Variants in STOX1 observed in about 807,000 individuals in gnomAD.
STOX1 encodes the protein storkhead-box protein 1.
STOX1 carries 57 observed loss-of-function variants against 74.8 expected under a neutral mutation model. That is an observed-to-expected ratio of 0.76 (90% confidence interval 0.62 to 0.95). The LOEUF (loss-of-function observed/expected upper bound fraction) is 0.95. Ranked by LOEUF, STOX1 falls within the 40% of genes least tolerant of loss-of-function variation. The pLI is 0.00. For synonymous variants in STOX1, 375 were observed against 401.3 expected, an observed-to-expected ratio of 0.93 and a Z score of 0.78; for missense variants, 1,010 against 1,117.0, an observed-to-expected ratio of 0.90 and a Z score of 1.37.
At chr10:68,869,007 A>G (rs753721158) in intron 1 of STOX1, among the ~76,000 whole-genome samples, 2 of 152,230 alleles carry the variant, frequency 1.3e-5, no homozygotes, top group Non-Finnish European at 2.9e-5. Flanking sequence ...GCCCAGGTCT[A>G]CCTGACCAAC....
At chr10:68,846,402 G>A (rs866056023) in intron 1 of STOX1, among the ~76,000 whole-genome samples, 12 of 151,998 alleles carry the variant, frequency 7.9e-5, no homozygotes, top group Non-Finnish European at 1.0e-4. Context: ...CACCTGCCCC[G>A]GCCCCCCAAA....
At chr10:68,836,773 C>T (rs1839566403) in intron 1 of STOX1, among the ~76,000 whole-genome samples, 1 of 152,242 alleles carries the variant, frequency 6.6e-6, no homozygotes, top group South Asian at 2.1e-4. Flanking sequence ...TAAGCCTTCC[C>T]ACCTAGCTTG....
intron 3 of STOX1, among the ~76,000 whole-genome samples, chr10:68,888,292 A>G (rs999636606): frequency 6.6e-6 from 1 of 151,644 alleles, no homozygotes; most frequent in Admixed American, 6.6e-5. Context: ...AATAGAGACA[A>G]GGTTCCACCA....
At chr10:68,878,890 A>G (rs955412733) in intron 1 of STOX1, among the ~76,000 whole-genome samples, 1 of 152,152 alleles carries the variant, frequency 6.6e-6, no homozygotes, top group African/African-American at 2.4e-5. Context: ...CTCCCCATTC[A>G]GCCCCAGGAT....
intron 1 of STOX1, among the ~76,000 whole-genome samples, chr10:68,860,848 T>C (rs1013829364): frequency 1.3e-5 from 2 of 152,034 alleles, no homozygotes; most frequent in Non-Finnish European, 2.9e-5. Flanking sequence ...TGTTCCTTCT[T>C]CTTAGGTGAG....
chr10:68,885,404 C>G lies in STOX1; in HGVS notation c.1608C>G (p.Ser536=). The stretch of plus-strand genomic sequence containing the variant: ...AAAAGCCTTTCCAAAAGCCTAGGTC[C>G]TTGGATTCCTCAAGAATCTTTGATG... ...PKEKPFQKPR[S]LDSSRIFDGK... is the part of the protein sequence containing the mutation. The change falls in exon 3 of 4, where the codon TCC becomes TCG. Residue 536 remains serine (S), a synonymous_variant. Transcript: ENST00000298596. The G allele has an allele frequency of 1.9e-6, 3 of 1,614,138 alleles. No homozygotes were observed. The highest frequency in any genetic ancestry group is 2.5e-6 in the Non-Finnish European group (3 of 1,180,028).
chr10:68,857,660 A>ACTG (rs1191099911), intron 1 of STOX1, among the ~76,000 whole-genome samples: 1 of 152,100 alleles, frequency 6.6e-6, no homozygotes, highest in African/African-American at 2.4e-5. Context: ...CTTGCTACTG[A>ACTG]CTGCTCCTTT....
chr10:68,892,693 C>T lies in STOX1; in HGVS notation c.2927C>T (p.Thr976Ile), dbSNP rs777728730. 31 of 1,613,862 alleles carry T rather than the reference C, an allele frequency of 1.9e-5. No homozygotes were observed. Among genetic ancestry groups the T allele is most frequent in the East Asian group, 4.5e-5 (2 of 44,826 alleles). Residue 976 changes from threonine to isoleucine, a missense_variant, in exon 4 of 4, where the codon ACA (threonine) becomes ATA (isoleucine). Thr to Ile is a moderately conservative substitution (Grantham distance 89). Coordinates refer to ENST00000298596, the MANE Select transcript of STOX1 (RefSeq NM_152709.5). ...VEGTKSSQPL[T>I]SNSLLPLTPV... is the part of the protein sequence containing the mutation. ...GGCACAAAGAGCAGTCAACCACTCA[C>T]ATCTAATTCCTTACTACCGCTAACT...
Position 68,854,688 on chromosome 10 carries a change from C to T in STOX1, c.310+26755C>T, listed in dbSNP as rs187211338. Reference sequence around the variant, plus strand: ...CTACTTGATCTACCTGGGGTGTTTTCTCAAAGACTTGAACCACCTCTAGGT... The same window carrying T: ...CTACTTGATCTACCTGGGGTGTTTTTTCAAAGACTTGAACCACCTCTAGGT... On this transcript the variant is annotated intron_variant, in intron 1 of 3. Coordinates refer to ENST00000298596, the MANE Select transcript of STOX1 (RefSeq NM_152709.5). Among the ~76,000 whole-genome samples, 236 of 152,198 alleles carry T rather than the reference C, an allele frequency of 1.6e-3. 1 individual carries two copies. The Middle Eastern group carries it at 0.02, about 13-fold the overall frequency.
intron 1 of STOX1, among the ~76,000 whole-genome samples, chr10:68,872,572 C>T (rs1333561847): frequency 6.6e-6 from 1 of 152,084 alleles, no homozygotes; most frequent in Admixed American, 6.5e-5. Flanking sequence ...GTCTCGAACT[C>T]CTGACCTCAG....
intron 1 of STOX1, among the ~76,000 whole-genome samples, chr10:68,856,699 G>C (rs946320949): frequency 1.2e-4 from 19 of 152,046 alleles, no homozygotes; most frequent in Admixed American, 5.9e-4. Context: ...GCGTGGCCCT[G>C]CAGCCCTCAT....
At chr10:68,892,285 T>C (rs1299080325) in intron 3 of STOX1, among the ~76,000 whole-genome samples, 1 of 151,116 alleles carries the variant, frequency 6.6e-6, no homozygotes, top group Non-Finnish European at 1.5e-5. Flanking sequence ...ACTTCAGATA[T>C]ATGGAAGTTT....
chr10:68,829,785 C>T (rs779465062), intron 1 of STOX1, among the ~76,000 whole-genome samples: 8 of 152,124 alleles, frequency 5.3e-5, no homozygotes, highest in Non-Finnish European at 1.0e-4. Flanking sequence ...CATTTCCTCT[C>T]CTTTTACTTG....
At chr10:68,880,875 G>A (rs574514839) in intron 1 of STOX1, among the ~76,000 whole-genome samples, 11 of 152,188 alleles carry the variant, frequency 7.2e-5, no homozygotes, top group African/African-American at 2.6e-4. Flanking sequence ...TGTATTTTTA[G>A]TAGAGATGGG....
Position 68,885,441 on chromosome 10 carries a change from G to T in STOX1, c.1645G>T (p.Glu549Ter), listed in dbSNP as rs1053251476. 1.9e-6 allele frequency: 3 copies of T among 1,614,076 alleles called. No individual in the cohort carries two copies. The South Asian group carries it at 3.3e-5, about 18-fold the overall frequency. Residue 549 changes from glutamate to a stop codon, truncating the protein, a stop_gained, in exon 3 of 4, where the codon GAG (glutamate) becomes TAG (stop). Transcript: ENST00000298596. LOFTEE classifies it high-confidence loss of function. ...AAGAATCTTTGATGGTAAAGCCAAA[G>T]AGCCATATGCTGAACAACCTAATGA... The part of the protein sequence containing the change: ...SSRIFDGKAK[E>*]PYAEQPNDKM...
chr10:68,870,682 G>T (rs751199119), intron 1 of STOX1, among the ~76,000 whole-genome samples: 1 of 152,198 alleles, frequency 6.6e-6, no homozygotes, highest in Non-Finnish European at 1.5e-5. Context: ...CAATGGAAGT[G>T]CACGTCAGAG....
At position 68,885,196 on chromosome 10, in the gene STOX1, C is replaced by T. The variant is rs778600929; in HGVS notation, c.1400C>T (p.Pro467Leu). 4 of 1,614,132 alleles carry T rather than the reference C, an allele frequency of 2.5e-6. No homozygotes were observed. Among genetic ancestry groups the T allele is most frequent in the Non-Finnish European group, 3.4e-6 (4 of 1,180,030 alleles). Reference protein sequence around the residue: ...ATQPIPRIKSPNEMVGQKPLG... With the variant: ...ATQPIPRIKSLNEMVGQKPLG... ...CAGCCCATCCCCAGAATTAAAAGCC[C>T]AAATGAAATGGTAGGTCAGAAACCA... is the stretch of plus-strand genomic sequence containing the variant. The change falls in exon 3 of 4, where the codon CCA becomes CTA. Residue 467 changes from proline to leucine, a missense_variant. Physicochemically the swap from Pro to Leu is moderately conservative, Grantham distance 98. Coordinates refer to ENST00000298596, the MANE Select transcript of STOX1 (RefSeq NM_152709.5).
At chr10:68,879,654 G>GT (rs1350727852) in intron 1 of STOX1, among the ~76,000 whole-genome samples, 1 of 152,100 alleles carries the variant, frequency 6.6e-6, no homozygotes, top group African/African-American at 2.4e-5. Context: ...CTCCTTTCTG[G>GT]TTTATGATCT....
chr10:68,858,281 G>T (rs544527446), intron 1 of STOX1, among the ~76,000 whole-genome samples: 2 of 152,204 alleles, frequency 1.3e-5, no homozygotes, highest in Admixed American at 6.5e-5. Flanking sequence ...GATCAGAGCT[G>T]CTGACCTACA....
Sources: allele counts gnomAD v4.1 joint callset (sites outside exome capture counted in the v4.1 genomes callset), GRCh38; gene constraint gnomAD v4.1.1; transcripts MANE v1.5; gene names NCBI Gene and HGNC (gene_info 2026-07-23, HGNC 2026-07-21).